ZBTB16: variants seen among roughly 807,000 people sequenced by gnomAD.
ZBTB16 encodes zinc finger and BTB domain-containing protein 16.
A neutral mutation model predicts 56.8 loss-of-function variants in ZBTB16; 8 were observed. That is an observed-to-expected ratio of 0.14 (90% CI 0.08 to 0.25). The LOEUF is 0.25. Among genes scored for constraint, ZBTB16 ranks in the 10% least tolerant of loss-of-function variants. The probability of loss-of-function intolerance (pLI) is 1.00; values close to 1 mark genes in which losing one functional copy is unlikely to be tolerated. For synonymous variants in ZBTB16, 363 were observed against 368.5 expected (o/e 0.98, Z 0.17); for missense variants, 625 against 903.0 (o/e 0.69, Z 3.95).
intron 3 of ZBTB16, among the ~76,000 whole-genome samples, chr11:114,161,226 C>T (rs994757797): frequency 1.3e-5 from 2 of 152,146 alleles, no homozygotes; most frequent in African/African-American, 4.8e-5. Context: ...GCTTAACGTC[C>T]TGGTGGCTTA....
chr11:114,085,607 A>G (rs1256345858), intron 2 of ZBTB16, among the ~76,000 whole-genome samples: 4 of 152,150 alleles, frequency 2.6e-5, no homozygotes, highest in Non-Finnish European at 5.9e-5. Flanking sequence ...ATTTTGATTG[A>G]AGATTCAGGA....
chr11:114,198,775 T>G (rs972114638), intron 4 of ZBTB16, among the ~76,000 whole-genome samples: 1 of 152,206 alleles, frequency 6.6e-6, no homozygotes, highest in African/African-American at 2.4e-5. Context: ...GGCCCACAGT[T>G]CACATGAGGG....
intron 3 of ZBTB16, among the ~76,000 whole-genome samples, chr11:114,185,023 T>TAAATA (rs927877821): frequency 7.3e-5 from 11 of 150,502 alleles, no homozygotes; most frequent in South Asian, 2.1e-4. Context: ...AATAAATAAA[T>TAAATA]AAATAAAATA....
At chr11:114,198,558 C>T (rs902122869) in intron 4 of ZBTB16, among the ~76,000 whole-genome samples, 4 of 152,050 alleles carry the variant, frequency 2.6e-5, no homozygotes, top group African/African-American at 9.7e-5. Context: ...GAGGGGCCCC[C>T]GATACTCTTT....
At chr11:114,091,482 G>A (rs1362363478) in intron 2 of ZBTB16, among the ~76,000 whole-genome samples, 2 of 152,018 alleles carry the variant, frequency 1.3e-5, no homozygotes, top group Admixed American at 6.6e-5. Flanking sequence ...GGTGGTCACC[G>A]TAGACGTCCG....
chr11:114,197,772 G>T (rs1943642411), intron 4 of ZBTB16, among the ~76,000 whole-genome samples: 1 of 152,074 alleles, frequency 6.6e-6, no homozygotes, highest in Non-Finnish European at 1.5e-5. Context: ...CCAGGCTGGA[G>T]TGCAGAAGGC....
intron 6 of ZBTB16, among the ~76,000 whole-genome samples, chr11:114,248,152 G>C (rs893077325): frequency 6.6e-6 from 1 of 152,098 alleles, no homozygotes; most frequent in Non-Finnish European, 1.5e-5. Flanking sequence ...CACCCGCCTC[G>C]GCCTCCAAAG....
chr11:114,134,329 C>T (rs1439586746), intron 2 of ZBTB16, among the ~76,000 whole-genome samples: 1 of 152,128 alleles, frequency 6.6e-6, no homozygotes, highest in Non-Finnish European at 1.5e-5. Context: ...TTTCACATGA[C>T]AGCTTCGTAC....
chr11:114,061,790 G>C (rs1018120548), intron 1 of ZBTB16, among the ~76,000 whole-genome samples: 1 of 152,124 alleles, frequency 6.6e-6, no homozygotes, highest in Non-Finnish European at 1.5e-5. Flanking sequence ...CCTTCGTACT[G>C]GTTGTAACTC....
At chr11:114,094,854 G>T (rs1022809208) in intron 2 of ZBTB16, among the ~76,000 whole-genome samples, 1 of 152,232 alleles carries the variant, frequency 6.6e-6, no homozygotes, top group Admixed American at 6.5e-5. Flanking sequence ...TGAGCTATCA[G>T]TTCCAAGTTT....
chr11:114,202,255 TG>T lies in ZBTB16; in HGVS notation c.1453+15219del, dbSNP rs1395881337. On this transcript the variant is annotated intron_variant, in intron 4 of 6. Coordinates refer to ENST00000335953, the MANE Select transcript of ZBTB16 (RefSeq NM_006006.6). ...GGCCACAAATAAGAATGAGCTCAGC[TG>T]GAAGTGGGAGTGACTCCCCATATGG... 3.3e-5 allele frequency among the ~76,000 whole-genome samples: 5 copies of T among 152,340 alleles called. No homozygotes were observed. In the East Asian group the frequency reaches 9.6e-4, roughly 29 times the overall value.
intron 3 of ZBTB16, among the ~76,000 whole-genome samples, chr11:114,178,664 C>T (rs996384248): frequency 1.3e-5 from 2 of 152,196 alleles, no homozygotes; most frequent in African/African-American, 4.8e-5. Flanking sequence ...ACAAGGTAGA[C>T]CTGTGTGCTC....
intron 2 of ZBTB16, among the ~76,000 whole-genome samples, chr11:114,126,088 G>C (rs758528988): frequency 9.9e-5 from 15 of 152,134 alleles, no homozygotes; most frequent in Non-Finnish European, 1.9e-4. Flanking sequence ...CCTCCTAGAT[G>C]GAAAGGTTGG....
chr11:114,073,827 C>T (rs903182566), intron 2 of ZBTB16, among the ~76,000 whole-genome samples: 2 of 152,122 alleles, frequency 1.3e-5, no homozygotes, highest in South Asian at 2.1e-4. Context: ...TAGGGCCATT[C>T]GGTTCCCCCA....
chr11:114,187,074 C>T, intron 4 of ZBTB16, 36 bp downstream of exon 4: 3 of 1,602,926 alleles, frequency 1.9e-6, no homozygotes, highest in Admixed American at 3.3e-5. Context: ...CCAGGTTTTC[C>T]ACAGTGTTGG....
Position 114,135,773 on chromosome 11 carries a change from T to G in ZBTB16, c.1269-20564T>G, listed in dbSNP as rs572249625. ...CTAATATAGTGAGGCAGAAGAAATC[T>G]GAGTGGCTCATCCTTGGGCAAATGG... is the stretch of plus-strand genomic sequence containing the variant. On this transcript the variant is annotated intron_variant, in intron 2 of 6. Transcript: ENST00000335953. Among the ~76,000 whole-genome samples, 8 of 152,246 alleles carry G rather than the reference T, an allele frequency of 5.3e-5. 1 individual carries two copies. The highest frequency in any genetic ancestry group is 3.3e-4 in the Admixed American group (5 of 15,284).
chr11:114,113,578 G>A (rs1941084100), intron 2 of ZBTB16, among the ~76,000 whole-genome samples: 1 of 152,222 alleles, frequency 6.6e-6, no homozygotes, highest in African/African-American at 2.4e-5. Context: ...TGCTTTGAGT[G>A]AGGCACTGTA....
At position 114,141,155 on chromosome 11, in the gene ZBTB16, T is replaced by C. The variant is rs554037087; in HGVS notation, c.1269-15182T>C. Among the ~76,000 whole-genome samples the C allele has an allele frequency of 3.9e-5, 6 of 152,268 alleles. No individual in the cohort carries two copies. In the South Asian group the frequency reaches 1.2e-3, roughly 32 times the overall value. ...GGCTTGCCCGGCGGGGTATGCTCATTTCTAACACCAAGTCTTGGCTCATGT... is the reference window on the plus strand; with the variant it reads ...GGCTTGCCCGGCGGGGTATGCTCATCTCTAACACCAAGTCTTGGCTCATGT... On this transcript the variant is annotated intron_variant, in intron 2 of 6. Coordinates refer to ENST00000335953, the MANE Select transcript of ZBTB16 (RefSeq NM_006006.6).
intron 4 of ZBTB16, among the ~76,000 whole-genome samples, chr11:114,233,085 A>C (rs60674015): frequency 1.4e-5 from 1 of 70,446 alleles, no homozygotes; most frequent in Non-Finnish European, 3.2e-5. Flanking sequence ...GCGCGCGCAC[A>C]CACACACACA....
Sources: gnomAD v4.1 joint callset for allele counts (sites outside exome capture counted in the v4.1 genomes callset) on GRCh38, gnomAD v4.1.1 for gene constraint, MANE v1.5 for transcripts, NCBI Gene and HGNC (gene_info 2026-07-23, HGNC 2026-07-21) for gene names.